Variants in NECTIN1 observed in about 807,000 individuals in gnomAD.
NECTIN1 encodes the protein nectin cell adhesion molecule 1, also known as nectin-1.
Under a neutral mutation model 48.0 loss-of-function variants are expected in NECTIN1, and 23 were observed. The observed-to-expected ratio is 0.48, with a 90% CI of 0.34 to 0.68. The LOEUF (loss-of-function observed/expected upper bound fraction) is 0.68. Ranked by LOEUF, NECTIN1 falls within the 30% of genes least tolerant of loss-of-function variation. The pLI is 0.01. For missense variants in NECTIN1, 591 were observed against 709.9 expected, an observed-to-expected ratio of 0.83 and a Z score of 1.90; for synonymous variants, 270 against 288.9, an observed-to-expected ratio of 0.93 and a Z score of 0.66.
Position 119,663,086 on chromosome 11 carries a change from G to A in NECTIN1, c.*1661C>T, listed in dbSNP as rs1257534087. On this transcript the variant is annotated 3_prime_UTR_variant, in exon 6 of 6. Coordinates refer to ENST00000264025, the MANE Select transcript of NECTIN1 (RefSeq NM_002855.5). ...GGCAGGGTGGGTCAGTGCCCGTGGGGCACAGAGTGGTCTGCCTCCCTCCTC... is the reference window on the plus strand; with the variant it reads ...GGCAGGGTGGGTCAGTGCCCGTGGGACACAGAGTGGTCTGCCTCCCTCCTC... The A allele has an allele frequency of 1.8e-5, 18 of 985,356 alleles. No individual in the cohort carries two copies. Among genetic ancestry groups the A allele is most frequent in the Admixed American group, 6.1e-5 (1 of 16,268 alleles). 61.0% of individuals were successfully genotyped at this position (985,356 alleles called of 1,614,324 possible).
chr11:119,651,964 A>G (rs1480035869), intron 5 of NECTIN1, among the ~76,000 whole-genome samples: 2 of 152,108 alleles, frequency 1.3e-5, no homozygotes. Context: ...GCTCAAGGTC[A>G]CCTGGTGAGA....
chr11:119,674,651 C>T (rs1263638710), intron 5 of NECTIN1: 2 of 1,614,238 alleles, frequency 1.2e-6, no homozygotes, highest in Non-Finnish European at 1.7e-6. Context: ...CAGAAAGCTG[C>T]AGGGAAAGCT....
rs141253617 is a variant in NECTIN1, at chr11:119,665,118, C to G, written c.1183G>C (p.Val395Leu). 1 of 1,613,932 alleles carries G rather than the reference C, an allele frequency of 6.2e-7. No individual in the cohort carries two copies. Among genetic ancestry groups the G allele is most frequent in the African/African-American group, 1.3e-5 (1 of 74,900 alleles). Residue 395 changes from valine to leucine, a missense_variant, in exon 6 of 6, where the codon GTG (valine) becomes CTG (leucine). By Grantham distance (32) the Val-to-Leu change is conservative. Transcript: ENST00000264025. The surrounding 1 kb of genome is among the most constrained non-coding windows in gnomAD (Gnocchi z 5.1). ...GCCTTGCTGTAGCCGTTGCCATACACGTGCTTCTTGGTGCTGTAGTCACCC... is the reference window on the plus strand; with the variant it reads ...GCCTTGCTGTAGCCGTTGCCATACAGGTGCTTCTTGGTGCTGTAGTCACCC... ...FKGDYSTKKH[V>L]YGNGYSKAGI...
rs775444391 is a variant in NECTIN1, at chr11:119,677,699, C to G, written c.589G>C (p.Glu197Gln). The change falls in exon 3 of 6, where the codon GAG (glutamate) becomes CAG (glutamine). Residue 197 changes from glutamate (E) to glutamine (Q), a missense_variant. Transcript: ENST00000264025. The surrounding 1 kb of genome is among the most constrained non-coding windows in gnomAD (Gnocchi z 5.4). ...ACTGTGCCATTGGGGTTCCGGATCTCCTGGTACTCTGCCTCACCTTTTAAC... is the reference window on the plus strand; with the variant it reads ...ACTGTGCCATTGGGGTTCCGGATCTGCTGGTACTCTGCCTCACCTTTTAAC... ...TRLKGEAEYQ[E>Q]IRNPNGTVTV... is the part of the protein sequence containing the mutation. 6.2e-7 allele frequency: 1 copy of G among 1,614,152 alleles called. No homozygotes were observed. Among genetic ancestry groups the G allele is most frequent in the Non-Finnish European group, 8.5e-7 (1 of 1,180,026 alleles).
chr11:119,684,027 C>T lies in NECTIN1; in HGVS notation c.80-5262G>A, dbSNP rs534994287. ...TGGCGGACAAACCTGCTCCCCAAGGCCCTGCCTGCCATGGAGCTCATCCGC... is the reference window on the plus strand; with the variant it reads ...TGGCGGACAAACCTGCTCCCCAAGGTCCTGCCTGCCATGGAGCTCATCCGC... On this transcript the variant is annotated intron_variant, in intron 1 of 5. Transcript: ENST00000264025. This position sits in a 1 kb window ranked among gnomAD's most constrained non-coding sequence, Gnocchi z 5.2. Among the ~76,000 whole-genome samples, 240 of 152,364 alleles carry T rather than the reference C, an allele frequency of 1.6e-3. No individual in the cohort carries two copies. Among genetic ancestry groups the T allele is most frequent in the African/African-American group, 5.6e-3 (231 of 41,602 alleles).
rs753373250 is a variant in NECTIN1 at position 119,665,157 on chromosome 11, G to C, written c.1144C>G (p.Arg382Gly). ...GGIVVALRRR[R>G]HTFKGDYSTK... ...CTGTAGTCACCCTTGAAGGTGTGCCGGCGCCGACGCAGGGCGACCACGATC... is the reference window on the plus strand; with the variant it reads ...CTGTAGTCACCCTTGAAGGTGTGCCCGCGCCGACGCAGGGCGACCACGATC... The change falls in exon 6 of 6, where the codon CGG becomes GGG. Residue 382 changes from arginine (R) to glycine (G), a missense_variant. Arg to Gly is a moderately radical substitution (Grantham distance 125, BLOSUM62 -2). Coordinates refer to ENST00000264025, the MANE Select transcript of NECTIN1 (RefSeq NM_002855.5). The surrounding 1 kb of genome is among the most constrained non-coding windows in gnomAD (Gnocchi z 5.1). 34 of 1,612,990 alleles carry C rather than the reference G, an allele frequency of 2.1e-5. No homozygotes were observed. The highest frequency in any genetic ancestry group is 2.7e-5 in the Non-Finnish European group (32 of 1,179,888).
chr11:119,724,684 T>C (rs974426007), intron 1 of NECTIN1, among the ~76,000 whole-genome samples: 13 of 152,246 alleles, frequency 8.5e-5, no homozygotes, highest in African/African-American at 3.1e-4. Context: ...CCTAGTCCCA[T>C]AGTGACCCAC....
At chr11:119,681,623 G>T (rs908060566) in intron 1 of NECTIN1, among the ~76,000 whole-genome samples, 8 of 152,174 alleles carry the variant, frequency 5.3e-5, no homozygotes, top group African/African-American at 1.9e-4. Flanking sequence ...AGGTGGCCGG[G>T]CACCCCAGAG....
chr11:119,703,152 A>G (rs1865485449), intron 1 of NECTIN1, among the ~76,000 whole-genome samples: 1 of 152,220 alleles, frequency 6.6e-6, no homozygotes, highest in African/African-American at 2.4e-5. Flanking sequence ...GGTAACTGAC[A>G]CACGGCATGA....
intron 1 of NECTIN1, among the ~76,000 whole-genome samples, chr11:119,706,150 C>A (rs1865546229): frequency 6.6e-6 from 1 of 152,250 alleles, no homozygotes; most frequent in Non-Finnish European, 1.5e-5. Flanking sequence ...TCCGTCCCCA[C>A]CTCTTCCCTG....
intron 5 of NECTIN1, among the ~76,000 whole-genome samples, chr11:119,666,327 C>A (rs1007202686): frequency 6.6e-5 from 10 of 152,148 alleles, no homozygotes; most frequent in African/African-American, 2.4e-4. Context: ...GTGGACACAG[C>A]CAAAATGAGG....
rs967644002 is a variant in NECTIN1, at chr11:119,661,100, C to T, written c.*3647G>A. On this transcript the variant is annotated 3_prime_UTR_variant, in exon 6 of 6. Coordinates refer to ENST00000264025, the MANE Select transcript of NECTIN1 (RefSeq NM_002855.5). ...TAAAAGGGGGTGATGCAAACACCCC[C>T]CAGGTCAGAACCAGGAGGATCTGCT... is the stretch of plus-strand genomic sequence containing the variant. 8 of 985,214 alleles carry T rather than the reference C, an allele frequency of 8.1e-6. No individual in the cohort carries two copies. The African/African-American group carries it at 1.4e-4, about 17-fold the overall frequency. 61.0% of individuals were successfully genotyped at this position (985,214 alleles called of 1,614,324 possible).
intron 1 of NECTIN1, among the ~76,000 whole-genome samples, chr11:119,703,188 T>C (rs1865486022): frequency 6.6e-6 from 1 of 152,148 alleles, no homozygotes; most frequent in Admixed American, 6.5e-5. Flanking sequence ...GCCTCAAAGC[T>C]TCCCCAGCTC....
At chr11:119,728,039 G>A (rs1314462455) in intron 1 of NECTIN1, among the ~76,000 whole-genome samples, 1 of 152,062 alleles carries the variant, frequency 6.6e-6, no homozygotes, top group Non-Finnish European at 1.5e-5. Context: ...AAGCCCCCCC[G>A]CCATACTCCA....
rs1864686881 is a variant in NECTIN1, at chr11:119,662,622, T to C, written c.*2125A>G. 4 of 985,498 alleles carry C rather than the reference T, an allele frequency of 4.1e-6. No individual in the cohort carries two copies. Among genetic ancestry groups the C allele is most frequent in the Non-Finnish European group, 4.8e-6 (4 of 829,942 alleles). 61.0% of individuals were successfully genotyped at this position (985,498 alleles called of 1,614,324 possible). ...GAAATGCCTCTATCAGGCAGGCCCC[T>C]GGGATTGCCTCCTGCCTGGGGGAAA... On this transcript the variant is annotated 3_prime_UTR_variant, in exon 6 of 6. Transcript: ENST00000264025. The surrounding 1 kb of genome is among the most constrained non-coding windows in gnomAD (Gnocchi z 5.3).
intron 1 of NECTIN1, among the ~76,000 whole-genome samples, chr11:119,704,942 T>G (rs1478095979): frequency 6.6e-6 from 1 of 152,230 alleles, no homozygotes; most frequent in Non-Finnish European, 1.5e-5. Context: ...TCAAGTAAAT[T>G]AGTCATTAAC....
Position 119,662,638 on chromosome 11 carries a change from C to T in NECTIN1, c.*2109G>A, listed in dbSNP as rs1422963687. 4 of 985,524 alleles carry T rather than the reference C, an allele frequency of 4.1e-6. No homozygotes were observed. The highest frequency in any genetic ancestry group is 2.4e-6 in the Non-Finnish European group (2 of 829,982). 61.0% of individuals were successfully genotyped at this position (985,524 alleles called of 1,614,324 possible). ...GCAGGCCCCTGGGATTGCCTCCTGC[C>T]TGGGGGAAAAGGGGACCAAGCAGAG... is the stretch of plus-strand genomic sequence containing the variant. On this transcript the variant is annotated 3_prime_UTR_variant, in exon 6 of 6. Coordinates refer to ENST00000264025, the MANE Select transcript of NECTIN1 (RefSeq NM_002855.5). This position sits in a 1 kb window ranked among gnomAD's most constrained non-coding sequence, Gnocchi z 5.3.
At chr11:119,638,854 C>T (rs2135521230) in intron 6 of NECTIN1, 1 of 1,509,642 alleles carries the variant, frequency 6.6e-7, no homozygotes, top group Non-Finnish European at 9.2e-7. Flanking sequence ...CACATGGGGG[C>T]TCTCCCCATC....
chr11:119,686,080 G>C (rs1329453642), intron 1 of NECTIN1, among the ~76,000 whole-genome samples: 2 of 152,140 alleles, frequency 1.3e-5, no homozygotes, highest in Admixed American at 1.3e-4. Flanking sequence ...GAAAATCCAG[G>C]CCACAGCATG....
Sources: allele counts gnomAD v4.1 joint callset (sites outside exome capture counted in the v4.1 genomes callset), GRCh38; gene constraint gnomAD v4.1.1; non-coding constraint Gnocchi (gnomAD v3.1); transcripts MANE v1.5; gene names NCBI Gene and HGNC (gene_info 2026-07-23, HGNC 2026-07-21).